Variants in LMO7 observed in about 807,000 individuals in gnomAD.
LMO7 encodes the protein LIM domain only protein 7.
Under a neutral mutation model 206.5 loss-of-function variants are expected in LMO7, and 120 were observed. The observed-to-expected ratio is 0.58, with a 90% confidence interval of 0.50 to 0.68. LMO7 has a LOEUF of 0.68. Among genes scored for constraint, LMO7 ranks in the 30% least tolerant of loss-of-function variants. The pLI, the probability that LMO7 is intolerant of heterozygous loss-of-function variation, is 0.00. For synonymous variants in LMO7, 706 were observed against 681.5 expected (o/e 1.04, Z -0.56); for missense variants, 1,959 against 1,957.9 (o/e 1.00, Z -0.01).
intron 1 of LMO7, among the ~76,000 whole-genome samples, chr13:75,676,354 C>G (rs1164125779): frequency 6.6e-6 from 1 of 151,958 alleles, no homozygotes; most frequent in South Asian, 2.1e-4. Context: ...CTATAGATAA[C>G]AAAAAAAGAT....
chr13:75,810,741 A>G (rs1050339594), intron 11 of LMO7, among the ~76,000 whole-genome samples: 3 of 152,270 alleles, frequency 2.0e-5, no homozygotes, highest in Non-Finnish European at 2.9e-5. Context: ...AAAAGTACCC[A>G]GAGTACAAGT....
chr13:75,674,200 C>T (rs1013308731), intron 1 of LMO7, among the ~76,000 whole-genome samples: 4 of 152,186 alleles, frequency 2.6e-5, no homozygotes, highest in African/African-American at 9.6e-5. Context: ...ACAAAACTTA[C>T]ATTTGTACTC....
intron 4 of LMO7, among the ~76,000 whole-genome samples, chr13:75,766,820 A>G (rs921378889): frequency 1.7e-4 from 26 of 152,098 alleles, no homozygotes; most frequent in African/African-American, 5.6e-4. Flanking sequence ...GTTACCATAC[A>G]TCTTTGCGTG....
At chr13:75,747,386 G>A (rs1256841529) in intron 3 of LMO7, among the ~76,000 whole-genome samples, 1 of 152,150 alleles carries the variant, frequency 6.6e-6, no homozygotes, top group Non-Finnish European at 1.5e-5. Context: ...GGCTATTGCT[G>A]CCACACATGA....
At chr13:75,766,237 C>CTTTTTTT (rs10604656) in intron 4 of LMO7, among the ~76,000 whole-genome samples, 1 of 126,096 alleles carries the variant, frequency 7.9e-6, no homozygotes, top group Non-Finnish European at 1.7e-5. Flanking sequence ...TTCCCTCAGT[C>CTTTTTTT]TTTTTTTTTT....
chr13:75,786,559 G>A (rs893338188), intron 4 of LMO7, among the ~76,000 whole-genome samples: 1 of 151,736 alleles, frequency 6.6e-6, no homozygotes, highest in Admixed American at 6.6e-5. Flanking sequence ...TTGTTTGTTT[G>A]TATTTTTAGT....
At chr13:75,809,640 C>T (rs1180887858) in intron 11 of LMO7, among the ~76,000 whole-genome samples, 1 of 152,056 alleles carries the variant, frequency 6.6e-6, no homozygotes, top group East Asian at 1.9e-4. Flanking sequence ...ATCCTATAAT[C>T]GGCCAACTGG....
Position 75,636,385 on chromosome 13 carries a change from C to G in LMO7, c.-273C>G. The G allele has an allele frequency of 7.8e-7, 1 of 1,287,358 alleles. No homozygotes were observed. The highest frequency in any genetic ancestry group is 9.8e-7 in the Non-Finnish European group (1 of 1,016,054). 79.7% of individuals were successfully genotyped at this position (1,287,358 alleles called of 1,614,324 possible). ...GCCGCTGGGCACCCGCTTCGCTTCC[C>G]GCGTCCTGCCTGACTGCCCGGGTCC... On this transcript the variant is annotated 5_prime_UTR_variant, in exon 1 of 31. Transcript: ENST00000377534.
intron 2 of LMO7, chr13:75,627,624 T>G (rs558367677): frequency 6.6e-6 from 1 of 152,298 alleles, no homozygotes; most frequent in African/African-American, 2.4e-5. Context: ...CAAATAAATG[T>G]ATTTTAGGGA....
At chr13:75,623,222 T>C (rs1217284244) in intron 1 of LMO7, 1 of 899,558 alleles carries the variant, frequency 1.1e-6, no homozygotes, top group Non-Finnish European at 1.8e-6. Context: ...CTTTTCATTT[T>C]TTTTCTGTAT....
At chr13:75,757,902 TA>T (rs914700119) in intron 3 of LMO7, among the ~76,000 whole-genome samples, 3 of 151,928 alleles carry the variant, frequency 2.0e-5, no homozygotes, top group African/African-American at 7.2e-5. Context: ...TACAGATGTT[TA>T]GAGCAGGATT....
intron 4 of LMO7, among the ~76,000 whole-genome samples, chr13:75,791,930 G>T (rs528421792): frequency 3.2e-4 from 48 of 152,108 alleles, no homozygotes; most frequent in Admixed American, 9.8e-4. Context: ...TTCAATGCAG[G>T]TATGGGTTCT....
At chr13:75,717,084 C>A (rs772620719) in intron 2 of LMO7, among the ~76,000 whole-genome samples, 1 of 151,884 alleles carries the variant, frequency 6.6e-6, no homozygotes, top group Non-Finnish European at 1.5e-5. Flanking sequence ...CTCTTCTCGG[C>A]CGGGCGCGGT....
chr13:75,673,306 T>C (rs143598002), intron 1 of LMO7, among the ~76,000 whole-genome samples: 3 of 152,310 alleles, frequency 2.0e-5, no homozygotes, highest in Non-Finnish European at 4.4e-5. Flanking sequence ...ATGAGAATGT[T>C]AGTAAATCCA....
At chr13:75,686,277 G>A (rs2040982631) in intron 1 of LMO7, among the ~76,000 whole-genome samples, 1 of 152,126 alleles carries the variant, frequency 6.6e-6, no homozygotes, top group African/African-American at 2.4e-5. Flanking sequence ...AAGGTGAAAG[G>A]CATGTTTACC....
chr13:75,715,100 A>G (rs1361278795), intron 2 of LMO7, among the ~76,000 whole-genome samples: 1 of 152,216 alleles, frequency 6.6e-6, no homozygotes, highest in Non-Finnish European at 1.5e-5. Context: ...TAGGGGTCCC[A>G]CTTTTGGGGC....
At chr13:75,776,215 C>T (rs1307052608) in intron 4 of LMO7, among the ~76,000 whole-genome samples, 3 of 68,256 alleles carry the variant, frequency 4.4e-5, no homozygotes, top group African/African-American at 1.4e-4. Flanking sequence ...AACGTTAAGT[C>T]GTAGTAAGTG....
chr13:75,800,756 C>A lies in LMO7; in HGVS notation c.535C>A (p.Arg179Ser). Residue 179 changes from arginine (R) to serine (S), a missense_variant, in exon 7 of 31, where the codon CGT becomes AGT. By Grantham distance (110) the Arg-to-Ser change is moderately radical. Coordinates refer to ENST00000377534, the MANE Select transcript of LMO7 (RefSeq NM_001306080.2). ...SGYGDIWCPERGEFLAPPRHH... is the reference protein window; with the variant it reads ...SGYGDIWCPESGEFLAPPRHH... ...CTACGGTGACATCTGGTGTCCTGAA[C>A]GTGGAGAATTTCTTGCTCCTCCAAG... is the stretch of plus-strand genomic sequence containing the variant. The A allele has an allele frequency of 6.2e-7, 1 of 1,614,042 alleles. No individual in the cohort carries two copies. Among genetic ancestry groups the A allele is most frequent in the African/African-American group, 1.3e-5 (1 of 75,022 alleles).
intron 3 of LMO7, among the ~76,000 whole-genome samples, chr13:75,754,580 G>A (rs1252397840): frequency 6.6e-6 from 1 of 152,102 alleles, no homozygotes; most frequent in Admixed American, 6.6e-5. Context: ...TGTGGGATGA[G>A]GAGGAAAATA....
Sources: allele counts gnomAD v4.1 joint callset (sites outside exome capture counted in the v4.1 genomes callset), GRCh38; gene constraint gnomAD v4.1.1; transcripts MANE v1.5; gene names NCBI Gene and HGNC (gene_info 2026-07-23, HGNC 2026-07-21).